Variants in SLC2A1 observed in about 807,000 individuals in gnomAD.
SLC2A1 encodes solute carrier family 2 member 1.
SLC2A1 carries 4 observed loss-of-function variants against 46.6 expected under a neutral mutation model. The ratio of observed to expected loss-of-function variants is 0.09; its 90% confidence interval spans 0.04 to 0.20. SLC2A1 has a LOEUF of 0.20. Among genes scored for constraint, SLC2A1 ranks in the 10% least tolerant of loss-of-function variants. SLC2A1 has a pLI of 1.00. For missense variants in SLC2A1, 352 were observed against 667.0 expected (o/e 0.53, Z 5.20); for synonymous variants, 253 against 270.0 (o/e 0.94, Z 0.62).
chr1:42,958,528 G>C (rs901608558), intron 1 of SLC2A1, 106 bp downstream of exon 1: 2 of 906,502 alleles, frequency 2.2e-6, no homozygotes, highest in Non-Finnish European at 2.9e-6. Context: ...GGCCCGCCCC[G>C]GGCGCACAGC....
At chr1:42,948,857 G>A (rs2124467710) in intron 1 of SLC2A1, among the ~76,000 whole-genome samples, 1 of 152,154 alleles carries the variant, frequency 6.6e-6, no homozygotes, top group East Asian at 1.9e-4. Context: ...GAGGTCAGGA[G>A]ATCGAGACCA....
chr1:42,953,163 C>G (rs1053016578), intron 1 of SLC2A1, among the ~76,000 whole-genome samples: 2 of 152,250 alleles, frequency 1.3e-5, no homozygotes, highest in Non-Finnish European at 2.9e-5. Flanking sequence ...TAGCCAAAGG[C>G]TCCATCAGCT....
intron 8 of SLC2A1, among the ~76,000 whole-genome samples, chr1:42,928,126 C>G (rs1210043984): frequency 6.6e-6 from 1 of 152,226 alleles, no homozygotes; most frequent in Non-Finnish European, 1.5e-5. Flanking sequence ...GGATGCAGAA[C>G]ATTCCTGGGG....
intron 2 of SLC2A1, among the ~76,000 whole-genome samples, chr1:42,942,634 G>A (rs936683567): frequency 2.6e-5 from 4 of 151,912 alleles, no homozygotes; most frequent in African/African-American, 7.3e-5. Flanking sequence ...GAGAGGACGC[G>A]GTTTCAACCT....
chr1:42,933,475 G>A (rs966492459), intron 2 of SLC2A1, among the ~76,000 whole-genome samples: 4 of 152,226 alleles, frequency 2.6e-5, no homozygotes, highest in African/African-American at 4.8e-5. Flanking sequence ...CCCAGAGCCA[G>A]TGCCAGGGAT....
At chr1:42,946,458 T>C (rs1255309524) in intron 1 of SLC2A1, among the ~76,000 whole-genome samples, 1 of 149,402 alleles carries the variant, frequency 6.7e-6, no homozygotes, top group Non-Finnish European at 1.5e-5. Context: ...CAGATGAAGA[T>C]GAGAGGCTAG....
intron 1 of SLC2A1, among the ~76,000 whole-genome samples, chr1:42,946,590 G>A (rs74070910): frequency 0.071 from 10,862 of 152,250 alleles, 783 homozygotes; most frequent in African/African-American, 0.17. Context: ...TTGGAGCTGG[G>A]CTGTGAAGGA....
intron 2 of SLC2A1, among the ~76,000 whole-genome samples, chr1:42,938,896 G>A (rs1227383150): frequency 6.6e-6 from 1 of 152,174 alleles, no homozygotes; most frequent in Non-Finnish European, 1.5e-5. Flanking sequence ...ACAGCACCTT[G>A]AAGCCCTCTG....
At chr1:42,958,193 C>G (rs1428591771) in intron 1 of SLC2A1, among the ~76,000 whole-genome samples, 1 of 151,806 alleles carries the variant, frequency 6.6e-6, no homozygotes, top group Non-Finnish European at 1.5e-5. Flanking sequence ...GCGCCGGGGC[C>G]GGGGCCGGGC....
chr1:42,926,794 A>G lies in SLC2A1; in HGVS notation c.*247T>C. 3 of 1,483,172 alleles carry G rather than the reference A, an allele frequency of 2.0e-6. No homozygotes were observed. Among genetic ancestry groups the G allele is most frequent in the Non-Finnish European group, 1.8e-6 (2 of 1,121,516 alleles). The allele number at this position is 1,483,172 out of a possible 1,614,324, so 91.9% of individuals were successfully genotyped here. On this transcript the variant is annotated 3_prime_UTR_variant, in exon 10 of 10. Coordinates refer to ENST00000426263, the MANE Select transcript of SLC2A1 (RefSeq NM_006516.4). ...AGGCTGATATAAAAATAACAAAATC[A>G]GTAATAAAAAAATTATAAAACCTGT...
At chr1:42,933,238 T>C (rs1643510252) in intron 2 of SLC2A1, among the ~76,000 whole-genome samples, 1 of 152,114 alleles carries the variant, frequency 6.6e-6, no homozygotes. Flanking sequence ...CTTCAACCCG[T>C]AACTCAAAAT....
intron 1 of SLC2A1, among the ~76,000 whole-genome samples, chr1:42,947,247 T>C (rs1643666068): frequency 6.6e-6 from 1 of 152,162 alleles, no homozygotes; most frequent in African/African-American, 2.4e-5. Context: ...GTGATTTTCT[T>C]GTGGGAGCCT....
chr1:42,943,002 C>A, intron 2 of SLC2A1: 1 of 606,590 alleles, frequency 1.6e-6, no homozygotes, highest in Non-Finnish European at 3.0e-6. Flanking sequence ...TACAAGACCC[C>A]AGGATTCTGT....
At chr1:42,931,990 G>A (rs1643496169) in intron 2 of SLC2A1, among the ~76,000 whole-genome samples, 2 of 152,138 alleles carry the variant, frequency 1.3e-5, no homozygotes, top group South Asian at 2.1e-4. Context: ...GACAGGTTCC[G>A]CCATCCAGGA....
chr1:42,927,935 TTTG>T lies in SLC2A1; in HGVS notation c.1075-130_1075-128del. On this transcript the variant is annotated intron_variant, in intron 8 of 9. Transcript: ENST00000426263. This position sits in a 1 kb window ranked among gnomAD's most constrained non-coding sequence, Gnocchi z 5.3. Reference sequence around the variant, plus strand: ...CAGGAAGCCTGGGGATGGTCCTGGATTTGTTGTGTATCCAGCATTGGGCCTAAG... The same window carrying T: ...CAGGAAGCCTGGGGATGGTCCTGGATTTGTGTATCCAGCATTGGGCCTAAG... 1 of 761,448 alleles carries T rather than the reference TTTG, an allele frequency of 1.3e-6. No homozygotes were observed. Among genetic ancestry groups the T allele is most frequent in the Non-Finnish European group, 2.3e-6 (1 of 439,956 alleles). 47.2% of individuals were successfully genotyped at this position (761,448 alleles called of 1,614,324 possible). A position where few individuals can be genotyped will look rare whatever the true frequency, so the allele number is the denominator to read the frequency against.
At chr1:42,950,766 A>C (rs548269067) in intron 1 of SLC2A1, among the ~76,000 whole-genome samples, 1 of 152,312 alleles carries the variant, frequency 6.6e-6, no homozygotes, top group East Asian at 1.9e-4. Flanking sequence ...TGAGGTCAGG[A>C]GTTCAAGACC....
intron 1 of SLC2A1, among the ~76,000 whole-genome samples, chr1:42,957,077 C>A (rs995910408): frequency 4.1e-4 from 62 of 152,324 alleles, no homozygotes; most frequent in African/African-American, 1.4e-3. Flanking sequence ...GCATAGTATG[C>A]TGAATAGATA....
chr1:42,931,893 T>C (rs1482396143), intron 2 of SLC2A1, among the ~76,000 whole-genome samples: 1 of 147,708 alleles, frequency 6.8e-6, no homozygotes, highest in Non-Finnish European at 1.5e-5. Context: ...CCTTTTCTCC[T>C]CACCATGTCT....
At chr1:42,931,757 C>T (rs563169035) in intron 2 of SLC2A1, among the ~76,000 whole-genome samples, 6 of 145,348 alleles carry the variant, frequency 4.1e-5, no homozygotes, top group East Asian at 4.1e-4. Context: ...ACCCAGGACA[C>T]GGAGTTTGCA....
Sources: allele counts gnomAD v4.1 joint callset (sites outside exome capture counted in the v4.1 genomes callset), GRCh38; gene constraint gnomAD v4.1.1; non-coding constraint Gnocchi (gnomAD v3.1); transcripts MANE v1.5; gene names NCBI Gene and HGNC (gene_info 2026-07-23, HGNC 2026-07-21).